The following OXR1 variants were observed in gnomAD, a reference collection of about 807,000 sequenced individuals.
The protein encoded by OXR1 is oxidation resistance 1.
A neutral mutation model predicts 104.6 loss-of-function variants in OXR1; 41 were observed. That is an observed-to-expected ratio of 0.39 (90% CI 0.31 to 0.51). OXR1 has a LOEUF of 0.51. Among genes scored for constraint, OXR1 ranks in the 20% least tolerant of loss-of-function variants. The pLI is 0.77. For missense variants in OXR1, 955 were observed against 1,031.9 expected (o/e 0.93, Z 1.02); for synonymous variants, 348 against 348.4 (o/e 1.00, Z 0.01).
chr8:106,473,983 T>C (rs7462686), intron 2 of OXR1, among the ~76,000 whole-genome samples: 2 of 144,208 alleles, frequency 1.4e-5, no homozygotes, highest in African/African-American at 5.1e-5. Flanking sequence ...ATTATATATA[T>C]TATATATAAT....
intron 11 of OXR1, chr8:106,726,321 T>A: frequency 7.2e-7 from 1 of 1,388,554 alleles, no homozygotes; most frequent in East Asian, 2.5e-5. Flanking sequence ...TAAATCTTAG[T>A]CAATTATTTT....
intron 3 of OXR1, among the ~76,000 whole-genome samples, chr8:106,603,051 T>C (rs528536714): frequency 6.6e-6 from 1 of 152,336 alleles, no homozygotes; most frequent in East Asian, 1.9e-4. Context: ...AAAGCATCTT[T>C]GCCATTTTAA....
intron 16 of OXR1, among the ~76,000 whole-genome samples, chr8:106,746,160 G>A (rs1425384002): frequency 6.6e-6 from 1 of 152,028 alleles, no homozygotes; most frequent in African/African-American, 2.4e-5. Flanking sequence ...AAATATCTCA[G>A]TACCTTTGAA....
chr8:106,720,794 A>G (rs1397924459), intron 11 of OXR1: 1 of 587,644 alleles, frequency 1.7e-6, no homozygotes, highest in Non-Finnish European at 2.1e-6. Flanking sequence ...TCCATCAAAT[A>G]CCCTTTAAAA....
intron 3 of OXR1, among the ~76,000 whole-genome samples, chr8:106,577,032 C>T (rs558402705): frequency 7.9e-5 from 12 of 152,124 alleles, no homozygotes; most frequent in African/African-American, 2.9e-4. Context: ...TAGTATTTTC[C>T]AGAAAATTAT....
chr8:106,324,120 T>G (rs1399063046), intron 1 of OXR1, among the ~76,000 whole-genome samples: 4 of 152,154 alleles, frequency 2.6e-5, no homozygotes, highest in Non-Finnish European at 4.4e-5. Flanking sequence ...TAACTGTCCA[T>G]CAATGACAGA....
intron 3 of OXR1, among the ~76,000 whole-genome samples, chr8:106,620,690 C>G (rs1821630631): frequency 6.6e-6 from 1 of 152,288 alleles, no homozygotes; most frequent in Middle Eastern, 3.4e-3. Context: ...AGTTATGTTT[C>G]TGCTCATTAA....
intron 2 of OXR1, among the ~76,000 whole-genome samples, chr8:106,389,702 G>T (rs1817519529): frequency 6.6e-6 from 1 of 152,186 alleles, no homozygotes; most frequent in Non-Finnish European, 1.5e-5. Flanking sequence ...TATGCCTTCA[G>T]ATATTAACTG....
chr8:106,372,171 A>C lies in OXR1; in HGVS notation c.23+12535A>C, dbSNP rs199946173. Among the ~76,000 whole-genome samples the C allele has an allele frequency of 1.7e-4, 26 of 152,286 alleles. No homozygotes were observed. The East Asian group carries it at 4.3e-3, about 25-fold the overall frequency. Reference sequence around the variant, plus strand: ...CATGGGTTCGCAACTGGTATCTTCCAATCTGTGGGTAGCACAGTTTCATGG... The same window carrying C: ...CATGGGTTCGCAACTGGTATCTTCCCATCTGTGGGTAGCACAGTTTCATGG... On this transcript the variant is annotated intron_variant, in intron 2 of 16. Coordinates refer to ENST00000517566, the MANE Select transcript of OXR1 (RefSeq NM_001198533.2).
chr8:106,271,256 C>G lies in OXR1; in HGVS notation c.-139+889C>G, dbSNP rs147485274. Among the ~76,000 whole-genome samples, 1,443 of 151,698 alleles carry G rather than the reference C, an allele frequency of 9.5e-3. 29 individuals are homozygous for G. Among genetic ancestry groups the G allele is most frequent in the African/African-American group, 0.033 (1,342 of 41,076 alleles). On this transcript the variant is annotated intron_variant, in intron 1 of 16. Transcript: ENST00000517566. ...CCCTGGCTCCTCCTCCGTCTACTAC[C>G]CGGCTTGGACGCACCTCGGCTCGCT... is the stretch of plus-strand genomic sequence containing the variant.
chr8:106,349,022 A>G (rs1472208420), intron 1 of OXR1, among the ~76,000 whole-genome samples: 1 of 152,220 alleles, frequency 6.6e-6, no homozygotes, highest in Non-Finnish European at 1.5e-5. Flanking sequence ...AGGCCAATGC[A>G]ATAATTTCCA....
chr8:106,669,049 A>G (rs935085442), intron 3 of OXR1, among the ~76,000 whole-genome samples: 1 of 152,208 alleles, frequency 6.6e-6, no homozygotes, highest in African/African-American at 2.4e-5. Context: ...TTCACTTAGA[A>G]GAGAGCCAAC....
intron 2 of OXR1, among the ~76,000 whole-genome samples, chr8:106,486,932 T>C (rs2129804538): frequency 6.6e-6 from 1 of 152,082 alleles, no homozygotes; most frequent in Middle Eastern, 3.4e-3. Flanking sequence ...ACCTGAAAAA[T>C]TTTGAAGTTC....
intron 3 of OXR1, among the ~76,000 whole-genome samples, chr8:106,665,831 T>C (rs1042274026): frequency 6.6e-6 from 1 of 152,114 alleles, no homozygotes; most frequent in Admixed American, 6.6e-5. Flanking sequence ...TTTTATTTTC[T>C]AGCAGTAAAT....
At chr8:106,694,793 G>T (rs60363746) in intron 7 of OXR1, among the ~76,000 whole-genome samples, 9,310 of 103,028 alleles carry the variant, frequency 0.09, 982 homozygotes, top group East Asian at 0.28. Context: ...ATATTTAATA[G>T]ATAAATACAT....
intron 1 of OXR1, among the ~76,000 whole-genome samples, chr8:106,344,976 C>G (rs1171308268): frequency 1.3e-5 from 2 of 152,192 alleles, no homozygotes; most frequent in Non-Finnish European, 2.9e-5. Flanking sequence ...CTGGAATCAC[C>G]CTCCTTGTGA....
rs114580797 is a variant in OXR1, at chr8:106,689,128, T to C, written c.526-3600T>C. ...AAAAGAAATTTATTACCATACAGTT[T>C]TGGAGGCTGGAAGTCTGAATTCAGA... On this transcript the variant is annotated intron_variant, in intron 6 of 16. Coordinates refer to ENST00000517566, the MANE Select transcript of OXR1 (RefSeq NM_001198533.2). Among the ~76,000 whole-genome samples the C allele has an allele frequency of 2.3e-3, 353 of 152,250 alleles. 2 individuals carry two copies. Among genetic ancestry groups the C allele is most frequent in the African/African-American group, 7.9e-3 (329 of 41,558 alleles).
At chr8:106,435,125 AC>A (rs1358801993) in intron 2 of OXR1, among the ~76,000 whole-genome samples, 1 of 152,168 alleles carries the variant, frequency 6.6e-6, no homozygotes, top group Non-Finnish European at 1.5e-5. Flanking sequence ...ACTCTGCAGT[AC>A]AAGGAACAGC....
intron 3 of OXR1, among the ~76,000 whole-genome samples, chr8:106,632,249 A>G (rs1223009001): frequency 6.6e-6 from 1 of 152,210 alleles, no homozygotes. Context: ...CTTCAAGTAC[A>G]TACCTAGTTT....
Sources: allele counts gnomAD v4.1 joint callset (sites outside exome capture counted in the v4.1 genomes callset), GRCh38; gene constraint gnomAD v4.1.1; transcripts MANE v1.5; gene names NCBI Gene and HGNC (gene_info 2026-07-23, HGNC 2026-07-21).